The following EXOC4 variants were observed in gnomAD, a reference collection of about 807,000 sequenced individuals.
The protein encoded by EXOC4 is SEC8-like 1.
Under a neutral mutation model 107.2 loss-of-function variants are expected in EXOC4, and 71 were observed. The ratio of observed to expected loss-of-function variants is 0.66; its 90% confidence interval spans 0.55 to 0.81. The LOEUF (loss-of-function observed/expected upper bound fraction) is 0.81. EXOC4 is among the 30% of genes least tolerant of loss of function. EXOC4 has a pLI of 0.00. For synonymous variants in EXOC4, 456 were observed against 441.2 expected (o/e 1.03, Z -0.42); for missense variants, 1,108 against 1,189.6 (o/e 0.93, Z 1.01).
rs1465148715 is a variant in EXOC4 at position 133,509,504 on chromosome 7, A to T, written c.1417+29366A>T. ...AATTCCTTAAAGAAGGCTCAGCTGG[A>T]AGGTTCTCTTTTATAACCCTTCCTC... On this transcript the variant is annotated intron_variant, in intron 9 of 17. Transcript: ENST00000253861. Among the ~76,000 whole-genome samples the T allele has an allele frequency of 2.0e-5, 3 of 151,740 alleles. 1 individual carries two copies. Among genetic ancestry groups the T allele is most frequent in the Non-Finnish European group, 4.4e-5 (3 of 67,960 alleles).
At chr7:133,483,383 G>C (rs1799200080) in intron 9 of EXOC4, among the ~76,000 whole-genome samples, 1 of 152,178 alleles carries the variant, frequency 6.6e-6, no homozygotes, top group African/African-American at 2.4e-5. Flanking sequence ...TTGCCCTTGA[G>C]CTCTCTGGCC....
chr7:133,714,620 G>A (rs1794963070), intron 10 of EXOC4, among the ~76,000 whole-genome samples: 1 of 152,216 alleles, frequency 6.6e-6, no homozygotes, highest in African/African-American at 2.4e-5. Context: ...TCTGTATTGA[G>A]CATGTACAGA....
chr7:133,787,041 G>A (rs115522954), intron 10 of EXOC4, among the ~76,000 whole-genome samples: 1,784 of 152,248 alleles, frequency 0.012, 37 homozygotes, highest in African/African-American at 0.04. Context: ...CACATGATCA[G>A]TCTGTAGATG....
chr7:133,329,494 A>C (rs1795328380), intron 5 of EXOC4, among the ~76,000 whole-genome samples: 1 of 152,002 alleles, frequency 6.6e-6, no homozygotes, highest in Non-Finnish European at 1.5e-5. Context: ...TCCTTAGGAG[A>C]AGAGGCATTC....
chr7:133,547,637 T>A (rs1278778103), intron 9 of EXOC4, among the ~76,000 whole-genome samples: 1 of 152,224 alleles, frequency 6.6e-6, no homozygotes, highest in Non-Finnish European at 1.5e-5. Context: ...TGTTGTCATT[T>A]CAACAGTGTC....
At chr7:133,267,861 G>T (rs1323884830) in intron 1 of EXOC4, among the ~76,000 whole-genome samples, 1 of 152,126 alleles carries the variant, frequency 6.6e-6, no homozygotes. Flanking sequence ...ATCCTGCATC[G>T]CACTGCTGCT....
At chr7:133,897,460 T>C (rs1191572046) in intron 12 of EXOC4, among the ~76,000 whole-genome samples, 2 of 152,152 alleles carry the variant, frequency 1.3e-5, no homozygotes, top group African/African-American at 4.8e-5. Context: ...TTTAAAGTTT[T>C]TGGATTTTAA....
chr7:133,494,663 G>T (rs1269393307), intron 9 of EXOC4, among the ~76,000 whole-genome samples: 1 of 152,006 alleles, frequency 6.6e-6, no homozygotes, highest in Non-Finnish European at 1.5e-5. Flanking sequence ...CTAAATTATG[G>T]TATTCACCCT....
chr7:133,764,451 C>T (rs1796096092), intron 10 of EXOC4, among the ~76,000 whole-genome samples: 1 of 151,946 alleles, frequency 6.6e-6, no homozygotes, highest in South Asian at 2.1e-4. Flanking sequence ...ATCCATTCCC[C>T]TCCTAGGAGA....
chr7:133,851,194 G>A (rs940792260), intron 11 of EXOC4, among the ~76,000 whole-genome samples: 1 of 152,138 alleles, frequency 6.6e-6, no homozygotes, highest in South Asian at 2.1e-4. Context: ...AGGCAAAGTC[G>A]GATATTTCAT....
At chr7:133,299,256 TG>T (rs1794589276) in intron 3 of EXOC4, among the ~76,000 whole-genome samples, 1 of 152,134 alleles carries the variant, frequency 6.6e-6, no homozygotes, top group African/African-American at 2.4e-5. Flanking sequence ...TTTTTTAATC[TG>T]TGAAATTAGG....
chr7:133,816,773 A>T (rs866017178), intron 10 of EXOC4, among the ~76,000 whole-genome samples: 5 of 152,212 alleles, frequency 3.3e-5, no homozygotes, highest in South Asian at 4.1e-4. Context: ...TGCACAGCTC[A>T]CGGTAGGGTT....
intron 11 of EXOC4, among the ~76,000 whole-genome samples, chr7:133,823,892 A>G (rs1219981030): frequency 5.6e-5 from 1 of 17,780 alleles, no homozygotes; most frequent in Non-Finnish European, 8.5e-5. Context: ...ATATATATAT[A>G]TTTTATATAT....
intron 9 of EXOC4, among the ~76,000 whole-genome samples, chr7:133,626,680 A>G (rs1218880319): frequency 6.6e-6 from 1 of 152,184 alleles, no homozygotes; most frequent in Non-Finnish European, 1.5e-5. Context: ...GAACTAATGA[A>G]AGTATTATTT....
At chr7:133,757,716 C>T (rs1374375073) in intron 10 of EXOC4, among the ~76,000 whole-genome samples, 1 of 152,094 alleles carries the variant, frequency 6.6e-6, no homozygotes, top group African/African-American at 2.4e-5. Flanking sequence ...GTTCAGTGAC[C>T]CCATTGGCTC....
chr7:133,653,192 G>C (rs1193670175), intron 10 of EXOC4, among the ~76,000 whole-genome samples: 1 of 152,126 alleles, frequency 6.6e-6, no homozygotes, highest in African/African-American at 2.4e-5. Context: ...AGAGGAAGAA[G>C]ATCATTATTA....
At chr7:133,865,113 T>G (rs915823647) in intron 11 of EXOC4, among the ~76,000 whole-genome samples, 1 of 152,156 alleles carries the variant, frequency 6.6e-6, no homozygotes, top group Admixed American at 6.5e-5. Context: ...TACTTTTTTC[T>G]TTTTCTTATA....
At chr7:134,022,218 T>C (rs560776438) in intron 17 of EXOC4, among the ~76,000 whole-genome samples, 1 of 152,248 alleles carries the variant, frequency 6.6e-6, no homozygotes, top group African/African-American at 2.4e-5. Flanking sequence ...ATACAACATA[T>C]GAGAATTTGT....
intron 17 of EXOC4, among the ~76,000 whole-genome samples, chr7:134,015,852 A>T (rs28498267): frequency 0.19 from 26,499 of 143,096 alleles, 2,904 homozygotes; most frequent in East Asian, 0.43. Flanking sequence ...TCCAGCCTAG[A>T]GACAGAGCAA....
Sources: allele counts gnomAD v4.1 joint callset (sites outside exome capture counted in the v4.1 genomes callset), GRCh38; gene constraint gnomAD v4.1.1; transcripts MANE v1.5; gene names NCBI Gene and HGNC (gene_info 2026-07-23, HGNC 2026-07-21).